The following LRRTM4 variants were observed in gnomAD, a reference collection of about 807,000 sequenced individuals.
LRRTM4 encodes leucine-rich repeat transmembrane neuronal protein 4.
LRRTM4 carries 25 observed loss-of-function variants against 47.6 expected under a neutral mutation model. The ratio of observed to expected loss-of-function variants is 0.53; its 90% CI spans 0.38 to 0.73. LRRTM4 has a LOEUF of 0.73. Ranked by LOEUF, LRRTM4 falls within the 30% of genes least tolerant of loss-of-function variation. The probability of loss-of-function intolerance (pLI) is 0.00; values close to 1 mark genes in which losing one functional copy is unlikely to be tolerated. For synonymous variants in LRRTM4, 311 were observed against 269.5 expected, an observed-to-expected ratio of 1.15 and a Z score of -1.51; for missense variants, 638 against 713.4, an observed-to-expected ratio of 0.89 and a Z score of 1.20.
chr2:77,445,465 G>A (rs528343662), intron 3 of LRRTM4, among the ~76,000 whole-genome samples: 82 of 151,770 alleles, frequency 5.4e-4, no homozygotes, highest in African/African-American at 1.9e-3. Context: ...TCTTTTGCTC[G>A]CCTATCTTTT....
intron 3 of LRRTM4, among the ~76,000 whole-genome samples, chr2:76,979,417 T>C (rs1676521798): frequency 1.3e-5 from 2 of 151,936 alleles, no homozygotes; most frequent in Admixed American, 6.6e-5. Flanking sequence ...AAGGTGCTCA[T>C]ATGTTAGACA....
chr2:77,418,153 G>A (rs868402188), intron 3 of LRRTM4, among the ~76,000 whole-genome samples: 1 of 152,110 alleles, frequency 6.6e-6, no homozygotes, highest in Non-Finnish European at 1.5e-5. Context: ...GGTTCTTAGC[G>A]TAGACCCTAA....
At chr2:76,927,176 A>T (rs960833620) in intron 3 of LRRTM4, among the ~76,000 whole-genome samples, 4 of 152,030 alleles carry the variant, frequency 2.6e-5, no homozygotes, top group Non-Finnish European at 5.9e-5. Flanking sequence ...ATTCCCTAGG[A>T]ACCCTCCCTT....
rs1306538316 is a variant in LRRTM4, at chr2:77,473,794, A to G, written c.1551+44524T>C. On this transcript the variant is annotated intron_variant, in intron 3 of 3. Coordinates refer to ENST00000409884, the MANE Select transcript of LRRTM4 (RefSeq NM_001134745.3). ...CATTGGTACCAGTGTATGTAACACT[A>G]ATAAAGAAATGAAGAAGAGATTTCC... Among the ~76,000 whole-genome samples, 3 of 152,156 alleles carry G rather than the reference A, an allele frequency of 2.0e-5. No individual in the cohort carries two copies. In the East Asian group the frequency reaches 5.8e-4, roughly 29 times the overall value.
chr2:77,448,372 A>G (rs539131605), intron 3 of LRRTM4, among the ~76,000 whole-genome samples: 145 of 152,338 alleles, frequency 9.5e-4, no homozygotes, highest in African/African-American at 3.4e-3. Context: ...CATGATATAC[A>G]TAGTACCTTC....
At chr2:77,250,352 C>A (rs1227214466) in intron 3 of LRRTM4, among the ~76,000 whole-genome samples, 1 of 151,994 alleles carries the variant, frequency 6.6e-6, no homozygotes, top group Non-Finnish European at 1.5e-5. Context: ...TCCGTTGTAA[C>A]AAATATACTA....
intron 3 of LRRTM4, among the ~76,000 whole-genome samples, chr2:77,166,051 T>G (rs749582282): frequency 6.6e-6 from 1 of 152,194 alleles, no homozygotes; most frequent in African/African-American, 2.4e-5. Flanking sequence ...TGATTGTATA[T>G]GTAGAAAACT....
intron 3 of LRRTM4, among the ~76,000 whole-genome samples, chr2:77,447,204 TA>T (rs1295211978): frequency 6.6e-6 from 1 of 152,122 alleles, no homozygotes; most frequent in African/African-American, 2.4e-5. Context: ...AGTTCTACTA[TA>T]ACACTTGTTT....
intron 3 of LRRTM4, among the ~76,000 whole-genome samples, chr2:76,975,695 A>C (rs979245336): frequency 2.0e-5 from 3 of 151,770 alleles, no homozygotes; most frequent in African/African-American, 7.2e-5. Context: ...TGAGGAGACA[A>C]AAAATATTTA....
intron 3 of LRRTM4, among the ~76,000 whole-genome samples, chr2:76,806,542 T>A (rs1675976547): frequency 6.6e-6 from 1 of 152,056 alleles, no homozygotes; most frequent in Non-Finnish European, 1.5e-5. Flanking sequence ...GATCACGTCA[T>A]TGCACTCCAG....
intron 3 of LRRTM4, among the ~76,000 whole-genome samples, chr2:77,369,518 C>T (rs1672582871): frequency 6.6e-6 from 1 of 151,516 alleles, no homozygotes. Context: ...TCGGGATTTT[C>T]GCTAAATAAG....
chr2:76,819,102 G>A (rs923667034), intron 3 of LRRTM4, among the ~76,000 whole-genome samples: 5 of 151,660 alleles, frequency 3.3e-5, no homozygotes, highest in Non-Finnish European at 7.4e-5. Flanking sequence ...GACAAATGAG[G>A]TTTGATTAAA....
In LRRTM4 at chr2:77,502,881, T is replaced by C. The variant is rs550589844; in HGVS notation, c.1551+15437A>G. 2.1e-4 allele frequency among the ~76,000 whole-genome samples: 32 copies of C among 151,618 alleles called. 1 individual carries two copies. In the South Asian group the frequency reaches 6.6e-3, roughly 31 times the overall value. On this transcript the variant is annotated intron_variant, in intron 3 of 3. Transcript: ENST00000409884. ...CATTATATGGAGGTGAATAGTAATCTAGGGCCAGACTTACATCAACACATT... is the reference window on the plus strand; with the variant it reads ...CATTATATGGAGGTGAATAGTAATCCAGGGCCAGACTTACATCAACACATT...
At position 77,519,239 on chromosome 2, in the gene LRRTM4, G is replaced by C; in HGVS notation, c.630C>G (p.Leu210=). 6.2e-7 allele frequency: 1 copy of C among 1,613,320 alleles called. No individual in the cohort carries two copies. Among genetic ancestry groups the C allele is most frequent in the Non-Finnish European group, 8.5e-7 (1 of 1,179,562 alleles). Residue 210 remains leucine, a synonymous_variant, in exon 3 of 4, where the codon CTC becomes CTG. Coordinates refer to ENST00000409884, the MANE Select transcript of LRRTM4 (RefSeq NM_001134745.3). This position sits in a 1 kb window ranked among gnomAD's most constrained non-coding sequence, Gnocchi z 4.6. ...TGGAAAACTGGTTGTGCTCCAGGTG[G>C]AGCTCCTTTAACTTCAAGAGGCCAG... is the stretch of plus-strand genomic sequence containing the variant. ...AFAGLLKLKE[L]HLEHNQFSKI...
At chr2:77,160,172 G>C (rs181775374) in intron 3 of LRRTM4, among the ~76,000 whole-genome samples, 1 of 151,454 alleles carries the variant, frequency 6.6e-6, no homozygotes, top group African/African-American at 2.4e-5. Context: ...ATCCTGTGAA[G>C]TTCTGCACAA....
rs12105774 is a variant in LRRTM4, at chr2:77,428,469, A to G, written c.1551+89849T>C. On this transcript the variant is annotated intron_variant, in intron 3 of 3. Coordinates refer to ENST00000409884, the MANE Select transcript of LRRTM4 (RefSeq NM_001134745.3). ...TTCACTTTGGCCTGGCAAAACTTTC[A>G]TCAGGAGACTGGCCCTGTTCCATAA... 2.1e-3 allele frequency among the ~76,000 whole-genome samples: 327 copies of G among 152,308 alleles called. 1 individual carries two copies. The highest frequency in any genetic ancestry group is 7.6e-3 in the African/African-American group (316 of 41,576).
intron 3 of LRRTM4, among the ~76,000 whole-genome samples, chr2:76,773,204 G>T (rs1673788857): frequency 6.6e-6 from 1 of 152,166 alleles, no homozygotes. Flanking sequence ...GGGAATGATA[G>T]GAGCCTAATT....
chr2:76,830,304 T>A (rs1671310239), intron 3 of LRRTM4, among the ~76,000 whole-genome samples: 1 of 152,094 alleles, frequency 6.6e-6, no homozygotes, highest in African/African-American at 2.4e-5. Flanking sequence ...TCTACTTTTA[T>A]CCTTAATAAC....
chr2:77,146,323 C>T (rs1391788136), intron 3 of LRRTM4, among the ~76,000 whole-genome samples: 3 of 152,118 alleles, frequency 2.0e-5, no homozygotes, highest in African/African-American at 7.2e-5. Flanking sequence ...CACTGTATTT[C>T]CAACAATCTT....
Sources: allele counts gnomAD v4.1 joint callset (sites outside exome capture counted in the v4.1 genomes callset), GRCh38; gene constraint gnomAD v4.1.1; non-coding constraint Gnocchi (gnomAD v3.1); transcripts MANE v1.5; gene names NCBI Gene and HGNC (gene_info 2026-07-23, HGNC 2026-07-21).